ZHX2: variants seen among roughly 807,000 people sequenced by gnomAD.
The protein encoded by ZHX2 is zinc fingers and homeoboxes protein 2.
In ZHX2, 6 loss-of-function variants were observed where a neutral mutation model predicts 21.9. That is an observed-to-expected ratio of 0.27 (90% CI 0.15 to 0.54). The LOEUF is 0.54. Among genes scored for constraint, ZHX2 ranks in the 20% least tolerant of loss-of-function variants. The pLI, the probability that ZHX2 is intolerant of heterozygous loss-of-function variation, is 0.95. For missense variants in ZHX2, 908 were observed against 1,090.7 expected, an observed-to-expected ratio of 0.83 and a Z score of 2.36; for synonymous variants, 434 against 437.1, an observed-to-expected ratio of 0.99 and a Z score of 0.09.
chr8:122,965,920 T>C (rs1198001629), intron 3 of ZHX2, among the ~76,000 whole-genome samples: 1 of 152,236 alleles, frequency 6.6e-6, no homozygotes, highest in Non-Finnish European at 1.5e-5. Context: ...TTGTCTTTTT[T>C]AACTGTTGTT....
At chr8:122,938,681 C>CA (rs1812766303) in intron 2 of ZHX2, among the ~76,000 whole-genome samples, 1 of 151,550 alleles carries the variant, frequency 6.6e-6, no homozygotes, top group African/African-American at 2.4e-5. Context: ...TACTAAAATA[C>CA]AAAAAAAGTA....
chr8:122,802,358 C>T lies in ZHX2; in HGVS notation c.-283+20412C>T, dbSNP rs536607648. 7.9e-4 allele frequency among the ~76,000 whole-genome samples: 121 copies of T among 152,350 alleles called. 2 individuals carry two copies. Among genetic ancestry groups the T allele is most frequent in the Middle Eastern group, 3.4e-3 (1 of 294 alleles). Reference sequence around the variant, plus strand: ...GGTTAGAGGCGTGAGCCACCATGCCCGGCTTCAAGTCACTTTTCTTCTCAG... The same window carrying T: ...GGTTAGAGGCGTGAGCCACCATGCCTGGCTTCAAGTCACTTTTCTTCTCAG... On this transcript the variant is annotated intron_variant, in intron 1 of 3. Coordinates refer to ENST00000314393, the MANE Select transcript of ZHX2 (RefSeq NM_014943.5).
chr8:122,933,550 ACAC>A (rs1364556490), intron 2 of ZHX2, among the ~76,000 whole-genome samples: 1 of 152,110 alleles, frequency 6.6e-6, no homozygotes, highest in Non-Finnish European at 1.5e-5. Flanking sequence ...GATTCTTTCC[ACAC>A]GGAGAAAGAA....
intron 1 of ZHX2, among the ~76,000 whole-genome samples, chr8:122,829,599 C>T (rs967089890): frequency 6.6e-6 from 1 of 152,180 alleles, no homozygotes; most frequent in Non-Finnish European, 1.5e-5. Flanking sequence ...TCTATTTGAG[C>T]ACTGTTAGGA....
chr8:122,875,598 CGGT>C (rs1819554059), intron 2 of ZHX2, among the ~76,000 whole-genome samples: 1 of 140,984 alleles, frequency 7.1e-6, no homozygotes, highest in Non-Finnish European at 1.6e-5. Context: ...ACAGCAGGTG[CGGT>C]AGTAGTAGAC....
intron 1 of ZHX2, among the ~76,000 whole-genome samples, chr8:122,794,130 T>C (rs1360760548): frequency 2.6e-5 from 4 of 152,196 alleles, no homozygotes; most frequent in Non-Finnish European, 5.9e-5. Context: ...CACTGGGTGG[T>C]TGCTCAATTA....
chr8:122,954,511 G>T (rs1813244168), intron 3 of ZHX2, among the ~76,000 whole-genome samples: 1 of 152,154 alleles, frequency 6.6e-6, no homozygotes, highest in East Asian at 1.9e-4. Context: ...GTCTCACTTT[G>T]TTGCCCAGGC....
At chr8:122,790,895 A>G (rs1817505143) in intron 1 of ZHX2, among the ~76,000 whole-genome samples, 1 of 152,218 alleles carries the variant, frequency 6.6e-6, no homozygotes. Flanking sequence ...GGCATGAGCC[A>G]CCATGCCTAT....
intron 2 of ZHX2, among the ~76,000 whole-genome samples, chr8:122,935,333 T>C (rs1392011031): frequency 6.6e-6 from 1 of 152,142 alleles, no homozygotes; most frequent in Non-Finnish European, 1.5e-5. Context: ...AAAAAGTATC[T>C]TTGGGGAGAA....
At chr8:122,840,635 C>T (rs1818602713) in intron 1 of ZHX2, among the ~76,000 whole-genome samples, 1 of 152,182 alleles carries the variant, frequency 6.6e-6, no homozygotes, top group Admixed American at 6.5e-5. Context: ...TCAGTGCATA[C>T]TCAATAAATA....
At chr8:122,790,828 G>A (rs1204095072) in intron 1 of ZHX2, among the ~76,000 whole-genome samples, 1 of 152,076 alleles carries the variant, frequency 6.6e-6, no homozygotes, top group Non-Finnish European at 1.5e-5. Context: ...GGCTGGTCTC[G>A]AGCTCCTGAC....
chr8:122,865,568 CT>C (rs1421156454), intron 2 of ZHX2, among the ~76,000 whole-genome samples: 1 of 152,194 alleles, frequency 6.6e-6, no homozygotes, highest in Non-Finnish European at 1.5e-5. Flanking sequence ...GAGGCAATGT[CT>C]GTGGTTCAGA....
At chr8:122,959,864 A>C (rs1813397382) in intron 3 of ZHX2, among the ~76,000 whole-genome samples, 1 of 152,278 alleles carries the variant, frequency 6.6e-6, no homozygotes, top group South Asian at 2.1e-4. Flanking sequence ...TTCTCACCCT[A>C]GGAATTCTCA....
chr8:122,945,758 A>C (rs1254130035), intron 2 of ZHX2, among the ~76,000 whole-genome samples: 1 of 152,148 alleles, frequency 6.6e-6, no homozygotes, highest in Non-Finnish European at 1.5e-5. Flanking sequence ...ATCTTAAACA[A>C]GTTTGCTTAG....
chr8:122,791,647 CT>C (rs142406551), intron 1 of ZHX2, among the ~76,000 whole-genome samples: 327 of 152,266 alleles, frequency 2.1e-3, no homozygotes, highest in African/African-American at 7.5e-3. Context: ...GGTAGATCAC[CT>C]GAGGTCAAGA....
intron 1 of ZHX2, among the ~76,000 whole-genome samples, chr8:122,836,478 G>A (rs955831478): frequency 2.0e-5 from 3 of 152,146 alleles, no homozygotes; most frequent in African/African-American, 7.2e-5. Context: ...GTATCGGTTC[G>A]AACCCGGAGA....
chr8:122,934,022 T>C (rs576808077), intron 2 of ZHX2, among the ~76,000 whole-genome samples: 16 of 152,200 alleles, frequency 1.1e-4, no homozygotes, highest in Admixed American at 2.6e-4. Flanking sequence ...TAATTAATCA[T>C]CTATTGGGGC....
At chr8:122,834,376 G>A (rs541665411) in intron 1 of ZHX2, among the ~76,000 whole-genome samples, 1 of 152,186 alleles carries the variant, frequency 6.6e-6, no homozygotes, top group Admixed American at 6.5e-5. Context: ...GGGGTCCTCC[G>A]CAGAGGGGGC....
At chr8:122,937,960 G>A (rs1212008898) in intron 2 of ZHX2, among the ~76,000 whole-genome samples, 2 of 23,090 alleles carry the variant, frequency 8.7e-5, no homozygotes, top group Non-Finnish European at 1.8e-4. Flanking sequence ...TTTTTGAGAC[G>A]GAGTCTGGCT....
Sources: allele counts gnomAD v4.1 joint callset (sites outside exome capture counted in the v4.1 genomes callset), GRCh38; gene constraint gnomAD v4.1.1; transcripts MANE v1.5; gene names NCBI Gene and HGNC (gene_info 2026-07-23, HGNC 2026-07-21).